The following CHERP variants were observed in gnomAD, a reference collection of about 807,000 sequenced individuals.
CHERP encodes the protein calcium homeostasis endoplasmic reticulum protein.
CHERP carries 8 observed loss-of-function variants against 113.8 expected under a neutral mutation model. The observed-to-expected ratio is 0.07, with a 90% CI of 0.04 to 0.13. The LOEUF is 0.13. Ranked by LOEUF, CHERP falls within the 10% of genes least tolerant of loss-of-function variation. The probability of loss-of-function intolerance (pLI) is 1.00; values close to 1 mark genes in which losing one functional copy is unlikely to be tolerated. For synonymous variants in CHERP, 559 were observed against 524.5 expected, an observed-to-expected ratio of 1.07 and a Z score of -0.90; for missense variants, 884 against 1,298.2, an observed-to-expected ratio of 0.68 and a Z score of 4.90.
Position 16,520,736 on chromosome 19 carries a change from G to A in CHERP, c.2201+90C>T. 1 of 1,320,636 alleles carries A rather than the reference G, an allele frequency of 7.6e-7. No homozygotes were observed. Among genetic ancestry groups the A allele is most frequent in the Non-Finnish European group, 1.1e-6 (1 of 920,562 alleles). The allele number at this position is 1,320,636 out of a possible 1,614,324, so 81.8% of individuals were successfully genotyped here. A position where few individuals can be genotyped will look rare whatever the true frequency, so the allele number is the denominator to read the frequency against. ...CCATAGGCACAGGCTGTGTGAGGGT[G>A]GACGTGATGAGTGTATCTGGGGTCT... On this transcript the variant is annotated intron_variant, in intron 13 of 16. Transcript: ENST00000546361. The surrounding 1 kb of genome is among the most constrained non-coding windows in gnomAD (Gnocchi z 4.0).
At position 16,525,534 on chromosome 19, in the gene CHERP, C is replaced by G. The variant is rs1255512214; in HGVS notation, c.1449G>C (p.Gln483His). The change falls in exon 10 of 17, where the codon CAG becomes CAC. Residue 483 changes from glutamine (Q) to histidine (H), a missense_variant. Physicochemically the swap from Gln to His is conservative, Grantham distance 24. This residue lies in a region of CHERP where 464 missense variants were observed against 590.1 expected (regional missense o/e 0.79). Transcript: ENST00000546361. The surrounding 1 kb of genome is among the most constrained non-coding windows in gnomAD (Gnocchi z 6.5). Reference sequence around the variant, plus strand: ...ACTGGCTGTTCCAGGCGGCGTCGGGCTGGTTGTTCCAGGGCGCGTCGCGCT... The same window carrying G: ...ACTGGCTGTTCCAGGCGGCGTCGGGGTGGTTGTTCCAGGGCGCGTCGCGCT... Reference protein sequence around the residue: ...NGQRDAPWNNQPDAAWNSQFE... With the variant: ...NGQRDAPWNNHPDAAWNSQFE... The G allele has an allele frequency of 3.9e-6, 6 of 1,547,060 alleles. No homozygotes were observed. In the Admixed American group the frequency reaches 1.2e-4, roughly 30 times the overall value.
chr19:16,521,476 G>A (rs1047139593), intron 12 of CHERP, 45 bp downstream of exon 12: 13 of 1,491,510 alleles, frequency 8.7e-6, no homozygotes, highest in Non-Finnish European at 1.2e-5. Context: ...AGCCGGGAGA[G>A]GGGACAGAGG....
In CHERP at chr19:16,520,947, A is replaced by C. The variant is rs901298668; in HGVS notation, c.2115-35T>G. 3 of 1,563,476 alleles carry C rather than the reference A, an allele frequency of 1.9e-6. No individual in the cohort carries two copies. Among genetic ancestry groups the C allele is most frequent in the Middle Eastern group, 1.7e-4 (1 of 5,970 alleles). On this transcript the variant is annotated intron_variant, in intron 12 of 16. Coordinates refer to ENST00000546361, the MANE Select transcript of CHERP (RefSeq NM_006387.6). The surrounding 1 kb of genome is among the most constrained non-coding windows in gnomAD (Gnocchi z 4.0). ...ACGGCATTCCGTGTGTGACCACGTGACACCCACCCACAAGGAAGTCGTGAA... is the reference window on the plus strand; with the variant it reads ...ACGGCATTCCGTGTGTGACCACGTGCCACCCACCCACAAGGAAGTCGTGAA...
chr19:16,524,919 G>A (rs992159746), intron 10 of CHERP, among the ~76,000 whole-genome samples: 2 of 151,940 alleles, frequency 1.3e-5, no homozygotes, highest in Non-Finnish European at 2.9e-5. Flanking sequence ...CTAATACAAC[G>A]GGAAAACTGA....
At chr19:16,522,891 T>G (rs541118870) in intron 11 of CHERP, among the ~76,000 whole-genome samples, 161 bp downstream of exon 11, 1 of 152,204 alleles carries the variant, frequency 6.6e-6, no homozygotes, top group East Asian at 1.9e-4. Context: ...ACCGTGCTAC[T>G]CCGGTTCGGC....
Position 16,532,946 on chromosome 19 carries a change from C to G in CHERP, c.522+65G>C. The stretch of plus-strand genomic sequence containing the variant: ...AACAGCCCTTAGCCCAGATTGGCTA[C>G]GACAGGCCCTGCCTCAGGGAGGGAC... On this transcript the variant is annotated intron_variant, in intron 4 of 16. Transcript: ENST00000546361. This position sits in a 1 kb window ranked among gnomAD's most constrained non-coding sequence, Gnocchi z 4.4. The G allele has an allele frequency of 1.3e-6, 2 of 1,545,362 alleles. No individual in the cohort carries two copies. The highest frequency in any genetic ancestry group is 1.8e-6 in the Non-Finnish European group (2 of 1,142,694).
rs573697663 is a variant in CHERP at position 16,532,539 on chromosome 19, G to A, written c.674+59C>T. On this transcript the variant is annotated intron_variant, in intron 5 of 16. Coordinates refer to ENST00000546361, the MANE Select transcript of CHERP (RefSeq NM_006387.6). This position sits in a 1 kb window ranked among gnomAD's most constrained non-coding sequence, Gnocchi z 4.4. Reference sequence around the variant, plus strand: ...ACCGACCGGAGCAAGCGGCCACCCAGGAGGGTTGAGGAGGAGCGCGAGGAA... The same window carrying A: ...ACCGACCGGAGCAAGCGGCCACCCAAGAGGGTTGAGGAGGAGCGCGAGGAA... 97 of 1,503,350 alleles carry A rather than the reference G, an allele frequency of 6.5e-5. 1 individual carries two copies. In the South Asian group the frequency reaches 6.5e-4, roughly 10 times the overall value. The allele number at this position is 1,503,350 out of a possible 1,614,324, so 93.1% of individuals were successfully genotyped here. A position where few individuals can be genotyped will look rare whatever the true frequency, so the allele number is the denominator to read the frequency against.
At chr19:16,534,460 A>G (rs756071197) in intron 3 of CHERP, among the ~76,000 whole-genome samples, 56 of 151,984 alleles carry the variant, frequency 3.7e-4, no homozygotes, top group Admixed American at 5.9e-4. Context: ...TTTTCTGGCA[A>G]TGCACTTGTA....
At chr19:16,536,282 C>A (rs1328036605) in intron 2 of CHERP, among the ~76,000 whole-genome samples, 1 of 152,158 alleles carries the variant, frequency 6.6e-6, no homozygotes, top group Non-Finnish European at 1.5e-5. Context: ...CCGGCAGAAG[C>A]CTGGGTCAGG....
Position 16,535,646 on chromosome 19 carries a change from G to A in CHERP, c.200-10C>T, listed in dbSNP as rs2085736627. On this transcript the variant is annotated splice_polypyrimidine_tract_variant and intron_variant, in intron 2 of 16. Transcript: ENST00000546361. The surrounding 1 kb of genome is among the most constrained non-coding windows in gnomAD (Gnocchi z 4.3). ...TGCTGCTTGCAGATGACTGGAGGGA[G>A]AGGAGGAGGGGTGCCCCATGAGAAT... 6.7e-7 allele frequency: 1 copy of A among 1,498,790 alleles called. No individual in the cohort carries two copies. Among genetic ancestry groups the A allele is most frequent in the Non-Finnish European group, 8.9e-7 (1 of 1,125,542 alleles). 92.8% of individuals were successfully genotyped at this position (1,498,790 alleles called of 1,614,324 possible). A position where few individuals can be genotyped will look rare whatever the true frequency, so the allele number is the denominator to read the frequency against.
Position 16,521,666 on chromosome 19 carries a change from A to G in CHERP, c.1981-12T>C. The stretch of plus-strand genomic sequence containing the variant: ...TCGTGATCTTCCAGCTGCAGCAGAG[A>G]ACCCCAGCTGTCACCATGCCTGGGC... On this transcript the variant is annotated splice_polypyrimidine_tract_variant and intron_variant, in intron 11 of 16. Transcript: ENST00000546361. 1 of 1,562,118 alleles carries G rather than the reference A, an allele frequency of 6.4e-7. No homozygotes were observed. The highest frequency in any genetic ancestry group is 8.7e-7 in the Non-Finnish European group (1 of 1,150,480).
At chr19:16,529,140 C>T (rs904591970) in intron 8 of CHERP, among the ~76,000 whole-genome samples, 2 of 152,094 alleles carry the variant, frequency 1.3e-5, no homozygotes, top group Admixed American at 1.3e-4. Context: ...TCAAGTGATC[C>T]TCCCACCTCA....
Position 16,528,173 on chromosome 19 carries a change from G to A in CHERP, c.1212C>T (p.Gly404=). 1 of 1,613,144 alleles carries A rather than the reference G, an allele frequency of 6.2e-7. No individual in the cohort carries two copies. Among genetic ancestry groups the A allele is most frequent in the Non-Finnish European group, 8.5e-7 (1 of 1,179,700 alleles). The change falls in exon 9 of 17, where the codon GGC becomes GGT. Residue 404 remains glycine (G), a synonymous_variant. Transcript: ENST00000546361. The part of the protein sequence containing the change: ...PGGVQDPAAA[G]PRGPGPHDQI... ...GGTCGTGTGGCCCGGGGCCCCGGGG[G>A]CCGGCAGCTGCAGGATCCTGGACCC...
chr19:16,532,781 G>A lies in CHERP; in HGVS notation c.523-32C>T. Reference sequence around the variant, plus strand: ...CAACCGAGCCAATGACGAGTGAGCAGGGCCGCGGCTCCCCCAGGCACCCAC... The same window carrying A: ...CAACCGAGCCAATGACGAGTGAGCAAGGCCGCGGCTCCCCCAGGCACCCAC... On this transcript the variant is annotated intron_variant, in intron 4 of 16. Transcript: ENST00000546361. This position sits in a 1 kb window ranked among gnomAD's most constrained non-coding sequence, Gnocchi z 4.4. The A allele has an allele frequency of 6.3e-7, 1 of 1,586,956 alleles. No homozygotes were observed. Among genetic ancestry groups the A allele is most frequent in the Non-Finnish European group, 8.6e-7 (1 of 1,162,034 alleles).
intron 9 of CHERP, among the ~76,000 whole-genome samples, chr19:16,526,525 T>C (rs2085658678): frequency 6.6e-6 from 1 of 152,064 alleles, no homozygotes. Flanking sequence ...TGGAGTGCAG[T>C]GGCGCGATCT....
chr19:16,520,762 G>A lies in CHERP; in HGVS notation c.2201+64C>T. ...GACGTGATGAGTGTATCTGGGGTCT[G>A]CTCCCACCCATCACAAGCTGTGGAC... On this transcript the variant is annotated intron_variant, in intron 13 of 16. Coordinates refer to ENST00000546361, the MANE Select transcript of CHERP (RefSeq NM_006387.6). This position sits in a 1 kb window ranked among gnomAD's most constrained non-coding sequence, Gnocchi z 4.0. 2 of 1,477,988 alleles carry A rather than the reference G, an allele frequency of 1.4e-6. No individual in the cohort carries two copies. The highest frequency in any genetic ancestry group is 2.3e-5 in the East Asian group (1 of 44,240). The allele number at this position is 1,477,988 out of a possible 1,614,324, so 91.6% of individuals were successfully genotyped here.
rs1395767168 is a variant in CHERP at position 16,520,968 on chromosome 19, G to A, written c.2115-56C>T. The A allele has an allele frequency of 6.9e-6, 10 of 1,456,308 alleles. No individual in the cohort carries two copies. Among genetic ancestry groups the A allele is most frequent in the South Asian group, 4.5e-5 (4 of 87,956 alleles). 90.2% of individuals were successfully genotyped at this position (1,456,308 alleles called of 1,614,324 possible). On this transcript the variant is annotated intron_variant, in intron 12 of 16. Coordinates refer to ENST00000546361, the MANE Select transcript of CHERP (RefSeq NM_006387.6). The surrounding 1 kb of genome is among the most constrained non-coding windows in gnomAD (Gnocchi z 4.0). The stretch of plus-strand genomic sequence containing the variant: ...CGTGACACCCACCCACAAGGAAGTC[G>A]TGAAAAAGTCATCAGGAGTTAATCC...
chr19:16,518,094 T>C lies in CHERP; in HGVS notation c.*1065A>G, dbSNP rs1445336819. ...CTTATTGAAAAGAATTTTTCAAAAA[T>C]GTTTCTGTACAAATGAATGGAATTG... On this transcript the variant is annotated 3_prime_UTR_variant, in exon 17 of 17. Coordinates refer to ENST00000546361, the MANE Select transcript of CHERP (RefSeq NM_006387.6). 1 of 152,152 alleles carries C rather than the reference T, an allele frequency of 6.6e-6. No individual in the cohort carries two copies. The highest frequency in any genetic ancestry group is 1.9e-4 in the East Asian group (1 of 5,190). The allele number at this position is 152,152 out of a possible 1,614,324, so 9.4% of individuals were successfully genotyped here.
At chr19:16,531,517 G>A (rs1188761791) in intron 5 of CHERP, among the ~76,000 whole-genome samples, 1 of 152,246 alleles carries the variant, frequency 6.6e-6, no homozygotes, top group Non-Finnish European at 1.5e-5. Context: ...AGGGACGCAA[G>A]ACAGGAGGGG....
Sources: gnomAD v4.1 joint callset for allele counts (sites outside exome capture counted in the v4.1 genomes callset) on GRCh38, gnomAD v4.1.1 for gene constraint, gnomAD v4.1.1 regional missense constraint, Gnocchi (gnomAD v3.1) non-coding constraint, MANE v1.5 for transcripts, NCBI Gene and HGNC (gene_info 2026-07-23, HGNC 2026-07-21) for gene names.